The following ADAMTS13 variants were observed in gnomAD, a reference collection of about 807,000 sequenced individuals.
The protein encoded by ADAMTS13 is A disintegrin and metalloproteinase with thrombospondin motifs 13.
In ADAMTS13, 110 loss-of-function variants were observed where a neutral mutation model predicts 155.1. The ratio of observed to expected loss-of-function variants is 0.71; its 90% CI spans 0.61 to 0.83. The LOEUF (loss-of-function observed/expected upper bound fraction) is 0.83. Ranked by LOEUF, ADAMTS13 falls within the 40% of genes least tolerant of loss-of-function variation. The pLI is 0.00. For missense variants in ADAMTS13, 1,707 were observed against 1,891.7 expected (o/e 0.90, Z 1.81); for synonymous variants, 758 against 756.4 (o/e 1.00, Z -0.03).
chr9:133,458,779 T>A (rs1842914839), intron 28 of ADAMTS13, among the ~76,000 whole-genome samples, 195 bp from the exon 29 acceptor site: 1 of 152,230 alleles, frequency 6.6e-6, no homozygotes, highest in African/African-American at 2.4e-5. Context: ...TCTGGCACCC[T>A]GACTGTGTGT....
chr9:133,432,667 A>G lies in ADAMTS13; in HGVS notation c.1067A>G (p.Asp356Gly), dbSNP rs1190579844. 2 of 1,558,964 alleles carry G rather than the reference A, an allele frequency of 1.3e-6. No homozygotes were observed. Among genetic ancestry groups the G allele is most frequent in the Non-Finnish European group, 1.7e-6 (2 of 1,150,870 alleles). Residue 356 changes from aspartate (D) to glycine (G), a missense_variant, in exon 9 of 29, where the codon GAT becomes GGT. Transcript: ENST00000355699. ...SCSRLLVPLL[D>G]GTECGVEKWC... ...AGCCGCCTCCTCGTTCCTCTCCTGG[A>G]TGGGACAGAATGTGGCGTGGAGAAG...
At chr9:133,432,381 C>A (rs1358878901) in intron 8 of ADAMTS13, among the ~76,000 whole-genome samples, 3 of 152,230 alleles carry the variant, frequency 2.0e-5, no homozygotes, top group Non-Finnish European at 4.4e-5. Context: ...CATGGGCCCC[C>A]AAAAGTGTGA....
intron 1 of ADAMTS13, among the ~76,000 whole-genome samples, chr9:133,416,421 C>A (rs938834318): frequency 1.3e-5 from 2 of 152,166 alleles, no homozygotes. Context: ...CCATGTTGCC[C>A]AGGCTGGACT....
chr9:133,451,405 C>T (rs1554794315), intron 23 of ADAMTS13, among the ~76,000 whole-genome samples: 1 of 152,110 alleles, frequency 6.6e-6, no homozygotes, highest in East Asian at 1.9e-4. Context: ...ATACAGGCAC[C>T]CACAACCACA....
At chr9:133,447,976 A>G (rs1437241752) in intron 21 of ADAMTS13, among the ~76,000 whole-genome samples, 1 of 150,728 alleles carries the variant, frequency 6.6e-6, no homozygotes, top group Non-Finnish European at 1.5e-5. Flanking sequence ...AGAGATTTTC[A>G]TATTGTGATT....
In ADAMTS13 at chr9:133,424,410, G is replaced by C; in HGVS notation, c.262G>C (p.Val88Leu). ...GILHLELLVAVGPDVFQAHQE... is the reference protein window; with the variant it reads ...GILHLELLVALGPDVFQAHQE... ...CCTACACCTGGAGCTGCTGGTGGCC[G>C]TGGGCCCCGATGTCTTCCAGGCTCA... The change falls in exon 3 of 29, where the codon GTG (valine) becomes CTG (leucine). Residue 88 changes from valine (V) to leucine (L), a missense_variant. Physicochemically the swap from Val to Leu is conservative, Grantham distance 32. Coordinates refer to ENST00000355699, the MANE Select transcript of ADAMTS13 (RefSeq NM_139027.6). The surrounding 1 kb of genome is among the most constrained non-coding windows in gnomAD (Gnocchi z 4.3). The C allele has an allele frequency of 6.2e-7, 1 of 1,613,704 alleles. No individual in the cohort carries two copies.
At chr9:133,423,069 C>T in intron 1 of ADAMTS13, 32 bp from the exon 2 acceptor site, 1 of 1,606,446 alleles carries the variant, frequency 6.2e-7, no homozygotes, top group Non-Finnish European at 8.5e-7. Context: ...AGCCACTATG[C>T]CCGGCCCCAT....
At chr9:133,430,131 G>A in intron 8 of ADAMTS13, 30 bp downstream of exon 8, 2 of 1,560,024 alleles carry the variant, frequency 1.3e-6, no homozygotes, top group Non-Finnish European at 8.6e-7. Flanking sequence ...CCTGGGATTG[G>A]CTGTGAGGTC....
At position 133,426,069 on chromosome 9, in the gene ADAMTS13, G is replaced by A. The variant is rs184864675; in HGVS notation, c.539+7G>A. ...TGGTCCTCTATATCACTAGGTAGCC[G>A]AGCTTTCTGATGGGTGCTGGCCAGC... On this transcript the variant is annotated splice_region_variant and intron_variant, in intron 5 of 28. Coordinates refer to ENST00000355699, the MANE Select transcript of ADAMTS13 (RefSeq NM_139027.6). 1.3e-4 allele frequency: 210 copies of A among 1,613,916 alleles called. No individual in the cohort carries two copies. Among genetic ancestry groups the A allele is most frequent in the Middle Eastern group, 4.9e-4 (3 of 6,062 alleles).
chr9:133,418,294 C>T (rs1839800449), upstream of ADAMTS13, among the ~76,000 whole-genome samples: 1 of 152,228 alleles, frequency 6.6e-6, no homozygotes, highest in African/African-American at 2.4e-5. Flanking sequence ...GCTGGGGGCA[C>T]TGGGCGGTGG....
At chr9:133,419,351 G>A (rs2130759028), upstream of ADAMTS13, among the ~76,000 whole-genome samples, 1 of 152,312 alleles carries the variant, frequency 6.6e-6, no homozygotes, top group African/African-American at 2.4e-5. Context: ...TCACCAAGGA[G>A]AGACGTCTAA....
chr9:133,422,230 C>T (rs1251978652), upstream of ADAMTS13: 8 of 609,064 alleles, frequency 1.3e-5, no homozygotes, highest in Non-Finnish European at 1.5e-5. Context: ...GAACTGCAAC[C>T]ATCTTAGAGC....
At chr9:133,443,320 A>G in intron 18 of ADAMTS13, 56 bp from the exon 19 acceptor site, 1 of 1,547,012 alleles carries the variant, frequency 6.5e-7, no homozygotes. Flanking sequence ...CCACCCCATC[A>G]CCCCAGGCCA....
At chr9:133,417,678 A>G, upstream of ADAMTS13, 1 of 1,614,100 alleles carries the variant, frequency 6.2e-7, no homozygotes, top group Non-Finnish European at 8.5e-7. Flanking sequence ...AGGTCGCACC[A>G]CAGCACCGGG....
chr9:133,452,375 CT>C (rs1048779124), intron 23 of ADAMTS13, among the ~76,000 whole-genome samples: 3 of 151,006 alleles, frequency 2.0e-5, no homozygotes, highest in Non-Finnish European at 4.4e-5. Context: ...GTTTTTTGTG[CT>C]TTTTTTTTCT....
intron 6 of ADAMTS13, among the ~76,000 whole-genome samples, chr9:133,426,950 T>C (rs1840322321): frequency 6.6e-6 from 1 of 152,260 alleles, no homozygotes; most frequent in Non-Finnish European, 1.5e-5. Flanking sequence ...ATTACAGGCA[T>C]GTGCCACCAC....
chr9:133,449,723 G>A lies in ADAMTS13; in HGVS notation c.2862-60G>A. ...TCTGGGGAAATGAAGGGGAGACCTG[G>A]CTCCCCTGGGTTCCCAGGCCCTGGG... On this transcript the variant is annotated intron_variant, in intron 22 of 28. Transcript: ENST00000355699. The A allele has an allele frequency of 1.9e-6, 3 of 1,582,954 alleles. No homozygotes were observed. In the South Asian group the frequency reaches 3.3e-5, roughly 18 times the overall value.
chr9:133,426,463 C>A, intron 6 of ADAMTS13, 118 bp downstream of exon 6: 2 of 1,366,690 alleles, frequency 1.5e-6, no homozygotes, highest in Non-Finnish European at 2.0e-6. Context: ...GGAGCCTGTA[C>A]CCCTCACCCC....
rs1554792103 is a variant in ADAMTS13 at position 133,445,006 on chromosome 9, C to T, written c.2564C>T (p.Ala855Val). The T allele has an allele frequency of 2.5e-6, 4 of 1,613,494 alleles. No homozygotes were observed. The highest frequency in any genetic ancestry group is 2.2e-5 in the South Asian group (2 of 91,078). Residue 855 changes from alanine (A) to valine (V), a missense_variant, in exon 20 of 29, where the codon GCC becomes GTC. Physicochemically the swap from Ala to Val is moderately conservative, Grantham distance 64 (BLOSUM62 0). Transcript: ENST00000355699. This position sits in a 1 kb window ranked among gnomAD's most constrained non-coding sequence, Gnocchi z 5.0. ...GGCTCCGTAGATGAGAAGCTGCCTGCCCCTGAGCCCTGTGTCGGGATGTCA... is the reference window on the plus strand; with the variant it reads ...GGCTCCGTAGATGAGAAGCTGCCTGTCCCTGAGCCCTGTGTCGGGATGTCA... ...GPGSVDEKLP[A>V]PEPCVGMSCP...
Sources: gnomAD v4.1 joint callset for allele counts (sites outside exome capture counted in the v4.1 genomes callset) on GRCh38, gnomAD v4.1.1 for gene constraint, Gnocchi (gnomAD v3.1) non-coding constraint, MANE v1.5 for transcripts, NCBI Gene and HGNC (gene_info 2026-07-23, HGNC 2026-07-21) for gene names.